The following TAAR5 variants were observed in gnomAD, a reference collection of about 807,000 sequenced individuals.
TAAR5 encodes trace amine associated receptor 5, also known as trace amine-associated receptor 5.
A neutral mutation model predicts 21.1 loss-of-function variants in TAAR5; 27 were observed. The observed-to-expected ratio is 1.28, with a 90% CI of 0.94 to 1.76. TAAR5 has a LOEUF of 1.76. Ranked by LOEUF, TAAR5 falls within the 40% of genes most tolerant of loss-of-function variation. The probability of loss-of-function intolerance (pLI) is 0.00; values close to 1 mark genes in which losing one functional copy is unlikely to be tolerated. For missense variants in TAAR5, 495 were observed against 405.6 expected (o/e 1.22, Z -1.89); for synonymous variants, 203 against 167.5 (o/e 1.21, Z -1.64).
rs1252584405 is a variant in TAAR5 at position 132,589,405 on chromosome 6, G to C, written c.282C>G (p.Arg94=). Residue 94 remains arginine (R), a synonymous_variant, in exon 1 of 1, where the codon CGC becomes CGG. Coordinates refer to ENST00000258034, the MANE Select transcript of TAAR5 (RefSeq NM_003967.3). ...CGAAGAACCAGCAGCTCTCCACTGAGCGAATGGTGCTGAGGGGCAGCACCA... is the reference window on the plus strand; with the variant it reads ...CGAAGAACCAGCAGCTCTCCACTGACCGAATGGTGCTGAGGGGCAGCACCA... The part of the protein sequence containing the change: ...GLLVLPLSTI[R]SVESCWFFGD... 4 of 1,613,994 alleles carry C rather than the reference G, an allele frequency of 2.5e-6. No individual in the cohort carries two copies. The highest frequency in any genetic ancestry group is 1.7e-6 in the Non-Finnish European group (2 of 1,179,994).
chr6:132,610,461 T>A, the TAAR5 span, among the ~76,000 whole-genome samples: 2 of 152,126 alleles, frequency 1.3e-5, no homozygotes, highest in Non-Finnish European at 1.5e-5. Context: ...TGCTTTAGAA[T>A]CCTAAGAAAG....
chr6:132,589,704 C>T lies in TAAR5; in HGVS notation c.-18G>A, dbSNP rs761241282. ...GCTCTCATTTATGATTTCTACTCTT[C>T]CTCTGTCTGAGAACTGGCCACCTTC... is the stretch of plus-strand genomic sequence containing the variant. On this transcript the variant is annotated 5_prime_UTR_variant, in exon 1 of 1. Coordinates refer to ENST00000258034, the MANE Select transcript of TAAR5 (RefSeq NM_003967.3). The T allele has an allele frequency of 4.8e-6, 6 of 1,244,454 alleles. No homozygotes were observed. The Admixed American group carries it at 1.1e-4, about 23-fold the overall frequency. 77.1% of individuals were successfully genotyped at this position (1,244,454 alleles called of 1,614,324 possible). A position where few individuals can be genotyped will look rare whatever the true frequency, so the allele number is the denominator to read the frequency against.
Position 132,589,137 on chromosome 6 carries a change from C to T in TAAR5, c.550G>A (p.Glu184Lys), listed in dbSNP as rs368794870. 15 of 1,612,100 alleles carry T rather than the reference C, an allele frequency of 9.3e-6. No individual in the cohort carries two copies. Among genetic ancestry groups the T allele is most frequent in the Middle Eastern group, 1.6e-4 (1 of 6,072 alleles). ...VVETRLSQWLEEMPCVGSCQL... is the reference protein window; with the variant it reads ...VVETRLSQWLKEMPCVGSCQL... Reference sequence around the variant, plus strand: ...CAACTGCCCACACAAGGCATCTCTTCCAGCCACTGGCTGAGCCTTGTCTCT... The same window carrying T: ...CAACTGCCCACACAAGGCATCTCTTTCAGCCACTGGCTGAGCCTTGTCTCT... Residue 184 changes from glutamate (E) to lysine (K), a missense_variant, in exon 1 of 1, where the codon GAA (glutamate) becomes AAA (lysine). By Grantham distance (56) the Glu-to-Lys change is moderately conservative. Coordinates refer to ENST00000258034, the MANE Select transcript of TAAR5 (RefSeq NM_003967.3).
chr6:132,607,892 A>G, the TAAR5 span, among the ~76,000 whole-genome samples: 1 of 152,202 alleles, frequency 6.6e-6, no homozygotes, highest in South Asian at 2.1e-4. Flanking sequence ...GATAGGAACC[A>G]AAGCCAACAC....
chr6:132,606,518 T>G, the TAAR5 span, among the ~76,000 whole-genome samples: 1 of 152,164 alleles, frequency 6.6e-6, no homozygotes, highest in Non-Finnish European at 1.5e-5. Context: ...TGTCCCTTCC[T>G]AGATAGAGCC....
the TAAR5 span, among the ~76,000 whole-genome samples, chr6:132,607,355 A>T: frequency 1.3e-5 from 2 of 152,114 alleles, no homozygotes; most frequent in Non-Finnish European, 2.9e-5. Context: ...TGTATTTCCC[A>T]ATTCATGAAG....
chr6:132,589,616 C>G lies in TAAR5; in HGVS notation c.71G>C (p.Cys24Ser). 6.2e-7 allele frequency: 1 copy of G among 1,613,686 alleles called. No individual in the cohort carries two copies. The part of the protein sequence containing the change: ...AAFCYQVNGS[C>S]PRTVHTLGIQ... ...GCCCAGAGTATGTACTGTCCTGGGG[C>G]AAGACCCATTCACCTGGTAGCAGAA... The change falls in exon 1 of 1, where the codon TGC becomes TCC. Residue 24 changes from cysteine (C) to serine (S), a missense_variant. By Grantham distance (112) the Cys-to-Ser change is moderately radical. Coordinates refer to ENST00000258034, the MANE Select transcript of TAAR5 (RefSeq NM_003967.3).
Position 132,588,615 on chromosome 6 carries a change from C to G in TAAR5, c.*58G>C. ...CTCAACACCACACAGCCCACGGTCA[C>G]AGTGCCACTTATCTTTCCTGTGAGG... On this transcript the variant is annotated 3_prime_UTR_variant, in exon 1 of 1. Transcript: ENST00000258034. 6.4e-7 allele frequency: 1 copy of G among 1,552,546 alleles called. No individual in the cohort carries two copies. Among genetic ancestry groups the G allele is most frequent in the East Asian group, 2.3e-5 (1 of 44,274 alleles).
chr6:132,610,345 G>A, the TAAR5 span, among the ~76,000 whole-genome samples: 1 of 152,128 alleles, frequency 6.6e-6, no homozygotes, highest in Non-Finnish European at 1.5e-5. Context: ...GAATCAGACA[G>A]AGGAGACACC....
the TAAR5 span, among the ~76,000 whole-genome samples, chr6:132,610,334 T>A: frequency 6.6e-6 from 1 of 152,062 alleles, no homozygotes; most frequent in Admixed American, 6.6e-5. Context: ...CAATCTTGAG[T>A]GAATCAGACA....
chr6:132,605,658 A>T, the TAAR5 span, among the ~76,000 whole-genome samples: 1 of 152,162 alleles, frequency 6.6e-6, no homozygotes, highest in African/African-American at 2.4e-5. Context: ...AAGTTTTTAG[A>T]GTAAAGAAGT....
upstream of TAAR5, among the ~76,000 whole-genome samples, chr6:132,593,041 C>T (rs1047755103): frequency 4.6e-5 from 7 of 152,156 alleles, no homozygotes; most frequent in African/African-American, 1.7e-4. Flanking sequence ...CTCAAACTTG[C>T]TTCCTCATGC....
the TAAR5 span, among the ~76,000 whole-genome samples, chr6:132,599,598 G>T: frequency 6.6e-6 from 1 of 151,984 alleles, no homozygotes; most frequent in Non-Finnish European, 1.5e-5. Context: ...CAAAGGGCTG[G>T]GATTACAGGC....
At chr6:132,604,450 CT>C in the TAAR5 span, among the ~76,000 whole-genome samples, 13 of 151,794 alleles carry the variant, frequency 8.6e-5, no homozygotes, top group Non-Finnish European at 1.6e-4. Context: ...GCTGACGTAT[CT>C]TTTCTAAAAG....
At chr6:132,592,386 G>C (rs1436978755), upstream of TAAR5, among the ~76,000 whole-genome samples, 1 of 152,192 alleles carries the variant, frequency 6.6e-6, no homozygotes, top group African/African-American at 2.4e-5. Flanking sequence ...CTTCACTCAG[G>C]TTCAGAGATT....
chr6:132,603,636 T>C, the TAAR5 span, among the ~76,000 whole-genome samples: 1 of 152,150 alleles, frequency 6.6e-6, no homozygotes, highest in Non-Finnish European at 1.5e-5. Context: ...AACTTTGTGA[T>C]TACCACTTAG....
At chr6:132,593,579 T>C (rs1318719737), upstream of TAAR5, among the ~76,000 whole-genome samples, 1 of 152,102 alleles carries the variant, frequency 6.6e-6, no homozygotes, top group African/African-American at 2.4e-5. Flanking sequence ...GGAAGAGCAT[T>C]TGGAGCTGTT....
At position 132,588,981 on chromosome 6, in the gene TAAR5, A is replaced by G; in HGVS notation, c.706T>C (p.Leu236=). The G allele has an allele frequency of 2.5e-6, 4 of 1,614,022 alleles. No homozygotes were observed. The highest frequency in any genetic ancestry group is 1.1e-5 in the South Asian group (1 of 91,076). The change falls in exon 1 of 1, where the codon TTG becomes CTG. Residue 236 remains leucine (L), a synonymous_variant. Coordinates refer to ENST00000258034, the MANE Select transcript of TAAR5 (RefSeq NM_003967.3). ...GCAGCCCCAGCCAGGCTTTTGCTCA[A>G]TGTGGTAATCTGCTGAGCCTGTCTG... ...ATRQAQQITT[L]SKSLAGAAKH...
chr6:132,613,750 A>G, the TAAR5 span, among the ~76,000 whole-genome samples: 1 of 152,192 alleles, frequency 6.6e-6, no homozygotes, highest in African/African-American at 2.4e-5. Flanking sequence ...TTAGGAATCT[A>G]ATTTTCACAG....
Sources: allele counts gnomAD v4.1 joint callset (sites outside exome capture counted in the v4.1 genomes callset), GRCh38; gene constraint gnomAD v4.1.1; transcripts MANE v1.5; gene names NCBI Gene and HGNC (gene_info 2026-07-23, HGNC 2026-07-21).